AUTS2: variants seen among roughly 807,000 people sequenced by gnomAD.
The protein encoded by AUTS2 is autism susceptibility gene 2 protein.
A neutral mutation model predicts 112.4 loss-of-function variants in AUTS2; 17 were observed. That is an observed-to-expected ratio of 0.15 (90% CI 0.10 to 0.23). AUTS2 has a LOEUF of 0.23. AUTS2 is among the 10% of genes least tolerant of loss of function. AUTS2 has a pLI of 1.00. For synonymous variants in AUTS2, 751 were observed against 702.7 expected (o/e 1.07, Z -1.09); for missense variants, 1,510 against 1,701.6 (o/e 0.89, Z 1.98).
Position 70,790,973 on chromosome 7 carries a change from C to G in AUTS2, c.3757C>G (p.Leu1253Val). ...EIRERPPSHT[L>V]KDIEAR ...AAGGGAGAGGCCCCCTTCCCACACGCTGAAGGATATCGAGGCCCGATAAGC... is the reference window on the plus strand; with the variant it reads ...AAGGGAGAGGCCCCCTTCCCACACGGTGAAGGATATCGAGGCCCGATAAGC... The change falls in exon 19 of 19, where the codon CTG becomes GTG. Residue 1253 changes from leucine (L) to valine (V), a missense_variant. Leu to Val is a conservative substitution (Grantham distance 32). Around this residue, in one of 3 missense-constraint regions of AUTS2, gnomAD observed 788 missense variants for 797.6 expected, o/e 0.99. Coordinates refer to ENST00000342771, the MANE Select transcript of AUTS2 (RefSeq NM_015570.4). This position sits in a 1 kb window ranked among gnomAD's most constrained non-coding sequence, Gnocchi z 7.6. 1 of 1,504,186 alleles carries G rather than the reference C, an allele frequency of 6.6e-7. No individual in the cohort carries two copies. Among genetic ancestry groups the G allele is most frequent in the South Asian group, 1.4e-5 (1 of 73,630 alleles). 93.2% of individuals were successfully genotyped at this position (1,504,186 alleles called of 1,614,324 possible).
chr7:70,777,066 G>T, intron 13 of AUTS2, 37 bp from the exon 14 acceptor site: 4 of 1,601,396 alleles, frequency 2.5e-6, no homozygotes, highest in Non-Finnish European at 3.4e-6. Context: ...TCTCTGAAAT[G>T]TCTTCCTCCT....
intron 2 of AUTS2, among the ~76,000 whole-genome samples, chr7:70,076,088 C>T (rs926395852): frequency 3.9e-5 from 6 of 152,124 alleles, no homozygotes; most frequent in African/African-American, 1.4e-4. Flanking sequence ...GCCAATTGGC[C>T]ATCGTTTACC....
chr7:70,004,478 G>T (rs1224260823), intron 2 of AUTS2, among the ~76,000 whole-genome samples: 1 of 144,570 alleles, frequency 6.9e-6, no homozygotes, highest in African/African-American at 2.5e-5. Context: ...CTAATAAAAG[G>T]CAAGTTGCTT....
At chr7:69,853,792 A>C (rs1275264427) in intron 1 of AUTS2, among the ~76,000 whole-genome samples, 1 of 152,186 alleles carries the variant, frequency 6.6e-6, no homozygotes, top group Admixed American at 6.5e-5. Flanking sequence ...TAGGAAAAGT[A>C]CATCTGTTCC....
intron 4 of AUTS2, 79 bp downstream of exon 4, chr7:70,134,650 G>GA (rs918041691): frequency 1.2e-4 from 152 of 1,317,370 alleles, no homozygotes; most frequent in Non-Finnish European, 8.4e-5. Flanking sequence ...ATTGGGATAT[G>GA]AAAAAAAATC....
intron 14 of AUTS2, among the ~76,000 whole-genome samples, chr7:70,781,076 C>G (rs2129559822): frequency 6.6e-6 from 1 of 152,184 alleles, no homozygotes; most frequent in Middle Eastern, 3.4e-3. Flanking sequence ...GAAGACCAAA[C>G]ATAGCTGGGT....
chr7:70,655,801 G>T (rs1806742787), intron 5 of AUTS2, among the ~76,000 whole-genome samples: 1 of 152,170 alleles, frequency 6.6e-6, no homozygotes, highest in South Asian at 2.1e-4. Flanking sequence ...GCCAACCCAG[G>T]TCTGCCACAC....
chr7:69,991,084 A>G (rs537928170), intron 2 of AUTS2, among the ~76,000 whole-genome samples: 1 of 152,318 alleles, frequency 6.6e-6, no homozygotes, highest in East Asian at 1.9e-4. Context: ...GTCATTAGCT[A>G]GTAAAAATGA....
At chr7:69,771,167 C>T (rs941503387) in intron 1 of AUTS2, among the ~76,000 whole-genome samples, 13 of 152,226 alleles carry the variant, frequency 8.5e-5, no homozygotes, top group Non-Finnish European at 1.8e-4. Context: ...ACTCCTTTCT[C>T]ACCACCTAAA....
chr7:70,074,692 C>T lies in AUTS2; in HGVS notation c.523-43440C>T, dbSNP rs181498809. Among the ~76,000 whole-genome samples the T allele has an allele frequency of 4.3e-3, 655 of 152,232 alleles. 6 individuals are homozygous for T. The highest frequency in any genetic ancestry group is 0.015 in the African/African-American group (613 of 41,528). The stretch of plus-strand genomic sequence containing the variant: ...TGTCATCTTCAGGTTTGGTTGAATC[C>T]AGTGCTTCCCAACCCTGTCTCATCA... On this transcript the variant is annotated intron_variant, in intron 2 of 18. Coordinates refer to ENST00000342771, the MANE Select transcript of AUTS2 (RefSeq NM_015570.4).
intron 5 of AUTS2, among the ~76,000 whole-genome samples, chr7:70,490,633 A>T (rs543646472): frequency 6.6e-6 from 1 of 152,228 alleles, no homozygotes; most frequent in Admixed American, 6.5e-5. Context: ...TCACCAATGG[A>T]CCATAATGCT....
At chr7:70,506,577 G>A (rs1427249496) in intron 5 of AUTS2, among the ~76,000 whole-genome samples, 1 of 152,044 alleles carries the variant, frequency 6.6e-6, no homozygotes, top group Non-Finnish European at 1.5e-5. Context: ...GGAGGGAGAG[G>A]GAGAGAGAAT....
chr7:70,154,708 A>C (rs1472017215), intron 4 of AUTS2, among the ~76,000 whole-genome samples: 1 of 152,208 alleles, frequency 6.6e-6, no homozygotes, highest in Non-Finnish European at 1.5e-5. Flanking sequence ...CACTGGCATG[A>C]ACCATGATCA....
At chr7:70,528,624 A>G (rs1799953518) in intron 5 of AUTS2, among the ~76,000 whole-genome samples, 1 of 141,528 alleles carries the variant, frequency 7.1e-6, no homozygotes, top group African/African-American at 2.6e-5. Flanking sequence ...AAAATATACC[A>G]TCTAGTGCCG....
At chr7:69,993,751 CTCTGTCTG>C (rs749018066) in intron 2 of AUTS2, among the ~76,000 whole-genome samples, 11 of 151,910 alleles carry the variant, frequency 7.2e-5, no homozygotes, top group Non-Finnish European at 1.6e-4. Context: ...CTGTCTCTGT[CTCTGTCTG>C]TCTGTCTCTC....
intron 5 of AUTS2, among the ~76,000 whole-genome samples, chr7:70,586,162 C>T (rs917432254): frequency 1.3e-5 from 2 of 151,932 alleles, no homozygotes; most frequent in Admixed American, 6.6e-5. Context: ...CGCGCCCAGC[C>T]GAAATAAAGT....
intron 1 of AUTS2, among the ~76,000 whole-genome samples, chr7:69,809,357 C>T (rs940811548): frequency 2.6e-5 from 4 of 152,138 alleles, no homozygotes; most frequent in South Asian, 2.1e-4. Context: ...GGATTACAGG[C>T]GTGAGCCACC....
At chr7:69,701,977 A>G (rs532719991) in intron 1 of AUTS2, among the ~76,000 whole-genome samples, 4 of 152,324 alleles carry the variant, frequency 2.6e-5, no homozygotes, top group Admixed American at 6.5e-5. Flanking sequence ...ATAGTTGCCA[A>G]TTGTCCCTAG....
chr7:69,672,627 G>T (rs1219499556), intron 1 of AUTS2, among the ~76,000 whole-genome samples: 2 of 152,212 alleles, frequency 1.3e-5, no homozygotes, highest in Admixed American at 6.5e-5. Context: ...TAAGCTACCT[G>T]TCCTCAGGCA....
Sources: allele counts gnomAD v4.1 joint callset (sites outside exome capture counted in the v4.1 genomes callset), GRCh38; gene constraint gnomAD v4.1.1; regional missense constraint gnomAD v4.1.1; non-coding constraint Gnocchi (gnomAD v3.1); transcripts MANE v1.5; gene names NCBI Gene and HGNC (gene_info 2026-07-23, HGNC 2026-07-21).